CPNE5: variants seen among roughly 807,000 people sequenced by gnomAD.
The protein encoded by CPNE5 is copine 5, also known as copine-5.
A neutral mutation model predicts 81.1 loss-of-function variants in CPNE5; 42 were observed. The ratio of observed to expected loss-of-function variants is 0.52; its 90% CI spans 0.40 to 0.67. The LOEUF (loss-of-function observed/expected upper bound fraction) is 0.67, where lower values mean the gene tolerates loss of function less well. Among genes scored for constraint, CPNE5 ranks in the 30% least tolerant of loss-of-function variants. The pLI, the probability that CPNE5 is intolerant of heterozygous loss-of-function variation, is 0.00. For synonymous variants in CPNE5, 313 were observed against 321.5 expected (o/e 0.97, Z 0.28); for missense variants, 612 against 815.5 (o/e 0.75, Z 3.04).
Position 36,745,086 on chromosome 6 carries a change from T to C in CPNE5, c.1393A>G (p.Ile465Val). The C allele has an allele frequency of 6.2e-7, 1 of 1,614,138 alleles. No individual in the cohort carries two copies. ...TCCTTGGTCTGCGCCATGTCCGAGA[T>C]GACCCCATCAGTAATGATGAGCAGC... ...SVLLIITDGV[I>V]SDMAQTKEAI... The change falls in exon 18 of 21, where the codon ATC (isoleucine) becomes GTC (valine). Residue 465 changes from isoleucine to valine, a missense_variant. Physicochemically the swap from Ile to Val is conservative, Grantham distance 29 (BLOSUM62 3). Transcript: ENST00000244751.
intron 14 of CPNE5, among the ~76,000 whole-genome samples, chr6:36,750,217 C>T (rs1055686436): frequency 1.3e-5 from 2 of 152,212 alleles, no homozygotes; most frequent in Non-Finnish European, 1.5e-5. Context: ...ACCTCACTTG[C>T]ATTTAGCAGA....
At chr6:36,768,535 T>G (rs1477098699) in intron 10 of CPNE5, among the ~76,000 whole-genome samples, 1 of 152,174 alleles carries the variant, frequency 6.6e-6, no homozygotes, top group Non-Finnish European at 1.5e-5. Context: ...CCCAGCCATA[T>G]TCACAGTTCT....
At position 36,763,590 on chromosome 6, in the gene CPNE5, G is replaced by A. The variant is rs1199538958; in HGVS notation, c.780-598C>T. On this transcript the variant is annotated intron_variant, in intron 11 of 20. Coordinates refer to ENST00000244751, the MANE Select transcript of CPNE5 (RefSeq NM_020939.2). ...TGCACTCCAGCCTGGGCAACAGAGC[G>A]AGACTCTATCTCAAAAAAAAAAAAA... is the stretch of plus-strand genomic sequence containing the variant. 3.9e-5 allele frequency among the ~76,000 whole-genome samples: 5 copies of A among 129,026 alleles called. No individual in the cohort carries two copies. In the East Asian group the frequency reaches 8.9e-4, roughly 23 times the overall value. 84.6% of individuals were successfully genotyped at this position (129,026 alleles called of 152,430 possible).
At chr6:36,772,467 T>A (rs1767120686) in intron 10 of CPNE5, among the ~76,000 whole-genome samples, 1 of 152,200 alleles carries the variant, frequency 6.6e-6, no homozygotes, top group Non-Finnish European at 1.5e-5. Flanking sequence ...ACCGTCTTTG[T>A]TCCCAGTCTT....
At position 36,746,336 on chromosome 6, in the gene CPNE5, C is replaced by CCCCGG; in HGVS notation, c.1200+59_1200+60insCCGGG. 7.1e-7 allele frequency: 1 copy of CCCCGG among 1,408,050 alleles called. No homozygotes were observed. Among genetic ancestry groups the CCCCGG allele is most frequent in the Non-Finnish European group, 9.5e-7 (1 of 1,049,480 alleles). The allele number at this position is 1,408,050 out of a possible 1,614,324, so 87.2% of individuals were successfully genotyped here. ...AGGAAGGGAAACGTCCCCCCACCCC[C>CCCCGG]AGCTTGTCACCTCACCCCCAGCCTG... On this transcript the variant is annotated intron_variant, in intron 16 of 20. Transcript: ENST00000244751. This position sits in a 1 kb window ranked among gnomAD's most constrained non-coding sequence, Gnocchi z 4.5.
rs1417255760 is a variant in CPNE5 at position 36,814,176 on chromosome 6, A to G, written c.183+7938T>C. On this transcript the variant is annotated intron_variant, in intron 3 of 20. Coordinates refer to ENST00000244751, the MANE Select transcript of CPNE5 (RefSeq NM_020939.2). ...TAGCACATAGGTGGCTGAACGGCCT[A>G]CCCCAAAGGTCAATTAAAAAACTGA... 2.0e-5 allele frequency among the ~76,000 whole-genome samples: 3 copies of G among 152,112 alleles called. No homozygotes were observed. The East Asian group carries it at 5.8e-4, about 29-fold the overall frequency.
chr6:36,767,348 A>G (rs944669487), intron 10 of CPNE5, among the ~76,000 whole-genome samples: 1 of 152,134 alleles, frequency 6.6e-6, no homozygotes, highest in Non-Finnish European at 1.5e-5. Context: ...ACTGTGCTGT[A>G]TGTGTTCCGG....
intron 6 of CPNE5, among the ~76,000 whole-genome samples, chr6:36,795,108 G>A (rs1769447635): frequency 6.6e-6 from 1 of 152,192 alleles, no homozygotes; most frequent in Admixed American, 6.5e-5. Flanking sequence ...CAAAATTCAT[G>A]TATTGAAATC....
chr6:36,796,075 A>G (rs1252756139), intron 6 of CPNE5, among the ~76,000 whole-genome samples: 1 of 151,992 alleles, frequency 6.6e-6, no homozygotes, highest in Non-Finnish European at 1.5e-5. Context: ...CAGCCTCCCT[A>G]GTAGCTGGGA....
intron 10 of CPNE5, among the ~76,000 whole-genome samples, chr6:36,773,503 G>A (rs1767225940): frequency 6.6e-6 from 1 of 152,248 alleles, no homozygotes; most frequent in South Asian, 2.1e-4. Context: ...GGTGAAGACT[G>A]CACCCTGCTG....
intron 16 of CPNE5, among the ~76,000 whole-genome samples, chr6:36,745,892 G>T (rs1276030638): frequency 6.6e-6 from 1 of 152,204 alleles, no homozygotes; most frequent in African/African-American, 2.4e-5. Context: ...ACAGCACCTT[G>T]CACCCTCAGG....
At chr6:36,811,076 C>G (rs911766966) in intron 3 of CPNE5, among the ~76,000 whole-genome samples, 1 of 152,204 alleles carries the variant, frequency 6.6e-6, no homozygotes, top group African/African-American at 2.4e-5. Context: ...CATCCCAGCT[C>G]CTCGGGGAAC....
At chr6:36,830,439 C>A (rs779366480) in intron 1 of CPNE5, among the ~76,000 whole-genome samples, 24 of 152,186 alleles carry the variant, frequency 1.6e-4, no homozygotes, top group Non-Finnish European at 2.6e-4. Flanking sequence ...AGGAGAGAAG[C>A]CTTGGCACCT....
At chr6:36,820,790 T>A (rs551494068) in intron 3 of CPNE5, among the ~76,000 whole-genome samples, 89 of 151,466 alleles carry the variant, frequency 5.9e-4, no homozygotes, top group African/African-American at 2.1e-3. Context: ...GAAAAAAAAA[T>A]TGTTTTTAAT....
chr6:36,779,907 A>G (rs538871159), intron 8 of CPNE5, among the ~76,000 whole-genome samples: 2 of 151,720 alleles, frequency 1.3e-5, no homozygotes, highest in East Asian at 1.9e-4. Context: ...TCTGTCGTCC[A>G]GACCCCAGGA....
At position 36,742,006 on chromosome 6, in the gene CPNE5, G is replaced by C. The variant is rs967739569; in HGVS notation, c.*262C>G. ...TGTTTACACCTTCCTGGCTGGGTTAGAGCCAGGTATTGGGGAAGAAGAGAA... is the reference window on the plus strand; with the variant it reads ...TGTTTACACCTTCCTGGCTGGGTTACAGCCAGGTATTGGGGAAGAAGAGAA... On this transcript the variant is annotated 3_prime_UTR_variant, in exon 21 of 21. Coordinates refer to ENST00000244751, the MANE Select transcript of CPNE5 (RefSeq NM_020939.2). 51 of 474,686 alleles carry C rather than the reference G, an allele frequency of 1.1e-4. No homozygotes were observed. Among genetic ancestry groups the C allele is most frequent in the Non-Finnish European group, 1.6e-4 (44 of 267,208 alleles). 29.4% of individuals were successfully genotyped at this position (474,686 alleles called of 1,614,324 possible). A position where few individuals can be genotyped will look rare whatever the true frequency, so the allele number is the denominator to read the frequency against.
intron 3 of CPNE5, among the ~76,000 whole-genome samples, chr6:36,820,238 G>A (rs996653720): frequency 6.6e-6 from 1 of 151,966 alleles, no homozygotes; most frequent in South Asian, 2.1e-4. Flanking sequence ...TCCTGTGAGG[G>A]CTCAGTGAGG....
intron 1 of CPNE5, among the ~76,000 whole-genome samples, chr6:36,830,880 A>G (rs2150614938): frequency 6.6e-6 from 1 of 151,920 alleles, no homozygotes; most frequent in East Asian, 1.9e-4. Flanking sequence ...AAATGTTTCT[A>G]CTTCAAAATA....
intron 11 of CPNE5, among the ~76,000 whole-genome samples, chr6:36,764,081 C>A (rs373797500): frequency 1.1e-4 from 12 of 110,452 alleles, no homozygotes; most frequent in African/African-American, 3.5e-4. Context: ...TGGGGCCCCA[C>A]CCCCCCACCC....
Sources: allele counts gnomAD v4.1 joint callset (sites outside exome capture counted in the v4.1 genomes callset), GRCh38; gene constraint gnomAD v4.1.1; non-coding constraint Gnocchi (gnomAD v3.1); transcripts MANE v1.5; gene names NCBI Gene and HGNC (gene_info 2026-07-23, HGNC 2026-07-21).